The following DCHS2 variants were observed in gnomAD, a reference collection of about 807,000 sequenced individuals.
DCHS2 encodes dachsous cadherin-related 2.
DCHS2 carries 142 observed loss-of-function variants against 182.4 expected under a neutral mutation model. The observed-to-expected ratio is 0.78, with a 90% CI of 0.68 to 0.89. The LOEUF (loss-of-function observed/expected upper bound fraction) is 0.89, where lower values mean the gene tolerates loss of function less well. DCHS2 is among the 40% of genes least tolerant of loss of function. The pLI is 0.00. For synonymous variants in DCHS2, 1,740 were observed against 1,663.3 expected, an observed-to-expected ratio of 1.05 and a Z score of -1.12; for missense variants, 4,319 against 4,198.6, an observed-to-expected ratio of 1.03 and a Z score of -0.79.
chr4:154,238,319 A>C (rs1731636683), intron 19 of DCHS2, among the ~76,000 whole-genome samples: 1 of 152,158 alleles, frequency 6.6e-6, no homozygotes, highest in Non-Finnish European at 1.5e-5. Flanking sequence ...TTGGGACTAA[A>C]TTCCCCTTTC....
At chr4:154,463,499 C>T (rs1303938412) in intron 1 of DCHS2, among the ~76,000 whole-genome samples, 1 of 152,040 alleles carries the variant, frequency 6.6e-6, no homozygotes, top group African/African-American at 2.4e-5. Context: ...GTAATAAAAA[C>T]TGTACGCTAA....
chr4:154,333,812 G>C, intron 4 of DCHS2: 1 of 332,456 alleles, frequency 3.0e-6, no homozygotes, highest in Non-Finnish European at 5.6e-6. Flanking sequence ...CACCATCCAG[G>C]TTCGTGTGAG....
intron 6 of DCHS2, among the ~76,000 whole-genome samples, 169 bp downstream of exon 6, chr4:154,329,354 T>C (rs777148883): frequency 3.9e-5 from 6 of 152,240 alleles, no homozygotes; most frequent in Non-Finnish European, 8.8e-5. Flanking sequence ...ATTTACTTTT[T>C]AAAAATTTTC....
chr4:154,426,895 A>G (rs1404877113), intron 1 of DCHS2, among the ~76,000 whole-genome samples: 1 of 152,210 alleles, frequency 6.6e-6, no homozygotes, highest in Admixed American at 6.5e-5. Flanking sequence ...TGTGATTATT[A>G]TACATTGTAT....
rs565421233 is a variant in DCHS2, at chr4:154,403,999, G to C, written c.2053-26555C>G. Reference sequence around the variant, plus strand: ...TTTTTCTTGATAATGCTTGCTACGGGCTTATCAATTTTATTAGTATTTTCA... The same window carrying C: ...TTTTTCTTGATAATGCTTGCTACGGCCTTATCAATTTTATTAGTATTTTCA... On this transcript the variant is annotated intron_variant, in intron 1 of 19. Transcript: ENST00000357232. Among the ~76,000 whole-genome samples, 229 of 151,884 alleles carry C rather than the reference G, an allele frequency of 1.5e-3. 1 individual carries two copies. The highest frequency in any genetic ancestry group is 5.3e-3 in the African/African-American group (218 of 41,426).
rs553206380 is a variant in DCHS2 at position 154,302,895 on chromosome 4, C to T, written c.5605+1774G>A. On this transcript the variant is annotated intron_variant, in intron 12 of 19. Transcript: ENST00000357232. The stretch of plus-strand genomic sequence containing the variant: ...TATACACACATATGAAATATATATA[C>T]GTGTATATATACACACATATATATG... 8.0e-5 allele frequency among the ~76,000 whole-genome samples: 11 copies of T among 137,134 alleles called. 1 individual carries two copies. The East Asian group carries it at 1.1e-3, about 14-fold the overall frequency. The allele number at this position is 137,134 out of a possible 152,430, so 90.0% of individuals were successfully genotyped here.
intron 1 of DCHS2, among the ~76,000 whole-genome samples, chr4:154,460,383 A>G (rs1303981091): frequency 6.6e-6 from 1 of 152,020 alleles, no homozygotes; most frequent in Admixed American, 6.6e-5. Context: ...ACATTTGTAA[A>G]CCTCCTTAAT....
At chr4:154,330,792 C>T (rs1272940832) in intron 5 of DCHS2, among the ~76,000 whole-genome samples, 1 of 151,810 alleles carries the variant, frequency 6.6e-6, no homozygotes, top group Admixed American at 6.6e-5. Context: ...AATATATAAA[C>T]TATATTTATA....
chr4:154,473,384 C>G (rs1735553716), intron 1 of DCHS2, among the ~76,000 whole-genome samples: 1 of 152,180 alleles, frequency 6.6e-6, no homozygotes, highest in Non-Finnish European at 1.5e-5. Context: ...GAGTGACCAG[C>G]TGCAAGGAAA....
chr4:154,433,794 C>T (rs1733664613), intron 1 of DCHS2, among the ~76,000 whole-genome samples: 1 of 152,206 alleles, frequency 6.6e-6, no homozygotes, highest in Non-Finnish European at 1.5e-5. Context: ...GGCCTCGCTG[C>T]TCTCACTGGC....
intron 14 of DCHS2, among the ~76,000 whole-genome samples, 168 bp downstream of exon 14, chr4:154,269,728 TATAA>T (rs1381881147): frequency 2.6e-5 from 4 of 152,074 alleles, no homozygotes; most frequent in Admixed American, 6.6e-5. Context: ...TCTTAGTGAA[TATAA>T]ATAAATAGTT....
chr4:154,477,086 G>C lies in DCHS2; in HGVS notation c.2052+12218C>G, dbSNP rs149891506. Among the ~76,000 whole-genome samples, 903 of 152,258 alleles carry C rather than the reference G, an allele frequency of 5.9e-3. 12 individuals are homozygous for C. Among genetic ancestry groups the C allele is most frequent in the African/African-American group, 0.02 (840 of 41,546 alleles). On this transcript the variant is annotated intron_variant, in intron 1 of 19. Coordinates refer to ENST00000357232, the MANE Select transcript of DCHS2 (RefSeq NM_001358235.2). ...ATAACAAAATACTGTAGGCTGGGTG[G>C]CTTAAACACTTAAACAACAGAAGTT...
At chr4:154,271,904 G>A (rs977649046) in intron 13 of DCHS2, among the ~76,000 whole-genome samples, 9 of 151,636 alleles carry the variant, frequency 5.9e-5, no homozygotes, top group Non-Finnish European at 8.8e-5. Flanking sequence ...GAATATATTC[G>A]ACACCTCAAA....
chr4:154,287,696 G>A (rs946186762), intron 13 of DCHS2, among the ~76,000 whole-genome samples: 1 of 151,996 alleles, frequency 6.6e-6, no homozygotes, highest in Non-Finnish European at 1.5e-5. Flanking sequence ...TGGCCAGGCT[G>A]GTCATGAACT....
intron 1 of DCHS2, among the ~76,000 whole-genome samples, chr4:154,394,462 T>A (rs1441528177): frequency 2.0e-5 from 3 of 152,124 alleles, no homozygotes; most frequent in Non-Finnish European, 2.9e-5. Flanking sequence ...GAATAACTCA[T>A]CTCTAGGCAT....
At chr4:154,248,474 C>T (rs1200158444) in intron 16 of DCHS2, among the ~76,000 whole-genome samples, 1 of 151,192 alleles carries the variant, frequency 6.6e-6, no homozygotes, top group Non-Finnish European at 1.5e-5. Flanking sequence ...GCAGTGGTTG[C>T]TGACTTTCAT....
At chr4:154,461,425 T>A (rs1346749498) in intron 1 of DCHS2, among the ~76,000 whole-genome samples, 1 of 152,202 alleles carries the variant, frequency 6.6e-6, no homozygotes, top group East Asian at 1.9e-4. Flanking sequence ...TCAGGACATA[T>A]CAGTATTTAG....
intron 3 of DCHS2, among the ~76,000 whole-genome samples, chr4:154,349,924 T>G (rs1054669655): frequency 6.6e-6 from 1 of 152,238 alleles, no homozygotes; most frequent in Non-Finnish European, 1.5e-5. Flanking sequence ...TAAAAATGCC[T>G]TCCACTTCCT....
rs1425538442 is a variant in DCHS2, at chr4:154,322,482, C to A, written c.4025G>T (p.Ser1342Ile). 1.2e-6 allele frequency: 2 copies of A among 1,607,342 alleles called. No homozygotes were observed. Among genetic ancestry groups the A allele is most frequent in the Admixed American group, 3.4e-5 (2 of 58,028 alleles). Residue 1342 changes from serine to isoleucine, a missense_variant, in exon 8 of 20, where the codon AGT (serine) becomes ATT (isoleucine). Coordinates refer to ENST00000357232, the MANE Select transcript of DCHS2 (RefSeq NM_001358235.2). ...GGCGTCAATCTTAAAGTGATCAGAA[C>A]TATCTTCTACACACACAAGAAAATT... ...EVTYSVSSED[S>I]SDHFKIDANN...
Sources: gnomAD v4.1 joint callset for allele counts (sites outside exome capture counted in the v4.1 genomes callset) on GRCh38, gnomAD v4.1.1 for gene constraint, MANE v1.5 for transcripts, NCBI Gene and HGNC (gene_info 2026-07-23, HGNC 2026-07-21) for gene names.